Variants in CLEC4D observed in about 807,000 individuals in gnomAD.
CLEC4D encodes the protein C-type (calcium dependent, carbohydrate-recognition domain) lectin, superfamily member 8.
A neutral mutation model predicts 21.1 loss-of-function variants in CLEC4D; 21 were observed. The observed-to-expected ratio is 1.00, with a 90% confidence interval of 0.71 to 1.43. The LOEUF (loss-of-function observed/expected upper bound fraction) is 1.43. Among genes scored for constraint, CLEC4D ranks in the 40% most tolerant of loss-of-function variants. The pLI, the probability that CLEC4D is intolerant of heterozygous loss-of-function variation, is 0.00. For missense variants in CLEC4D, 289 were observed against 260.7 expected (o/e 1.11, Z -0.75); for synonymous variants, 85 against 83.1 (o/e 1.02, Z -0.12).
chr12:8,528,875 T>G, the CLEC4D span, among the ~76,000 whole-genome samples: 1 of 151,440 alleles, frequency 6.6e-6, no homozygotes, highest in African/African-American at 2.4e-5. Flanking sequence ...ATATAAACTA[T>G]GTACTATACA....
chr12:8,523,367 T>C (rs758053054), downstream of CLEC4D, among the ~76,000 whole-genome samples: 3 of 152,306 alleles, frequency 2.0e-5, no homozygotes, highest in East Asian at 5.8e-4. Context: ...TCCTGTCTTA[T>C]TTCTTTGAGC....
At chr12:8,518,891 G>T in intron 3 of CLEC4D, 118 bp from the exon 4 acceptor site, 2 of 1,419,188 alleles carry the variant, frequency 1.4e-6, no homozygotes, top group East Asian at 2.5e-5. Flanking sequence ...AATAATTTTG[G>T]TGATCTTGAT....
At position 8,521,705 on chromosome 12, in the gene CLEC4D, A is replaced by T. The variant is rs1940461634; in HGVS notation, c.*434A>T. 6.5e-6 allele frequency: 1 copy of T among 153,856 alleles called. No individual in the cohort carries two copies. Among genetic ancestry groups the T allele is most frequent in the Non-Finnish European group, 1.4e-5 (1 of 69,184 alleles). The allele number at this position is 153,856 out of a possible 1,614,324, so 9.5% of individuals were successfully genotyped here. ...TTAACCCAAATATTGCAAGCACTTT[A>T]AAGATTTGAAACCACATTTTTATTG... On this transcript the variant is annotated 3_prime_UTR_variant, in exon 6 of 6. Transcript: ENST00000299665.
intron 1 of CLEC4D, among the ~76,000 whole-genome samples, chr12:8,514,789 CTTCAGCAAATTAAAAT>C (rs1422652878): frequency 1.3e-5 from 2 of 152,146 alleles, no homozygotes; most frequent in African/African-American, 4.8e-5. Context: ...CTATTTATAA[CTTCAGCAAATTAAAAT>C]TTCAGCAAAT....
intron 5 of CLEC4D, among the ~76,000 whole-genome samples, chr12:8,520,916 T>G (rs1940449727): frequency 1.3e-5 from 2 of 152,196 alleles, no homozygotes; most frequent in African/African-American, 2.4e-5. Flanking sequence ...CACTTAAGAC[T>G]TAAAGCACAT....
chr12:8,517,597 T>C (rs1234330342), intron 2 of CLEC4D, among the ~76,000 whole-genome samples: 1 of 151,982 alleles, frequency 6.6e-6, no homozygotes, highest in African/African-American at 2.4e-5. Context: ...CAAATTTTGA[T>C]AGAAAAACAT....
chr12:8,527,940 T>C, the CLEC4D span, among the ~76,000 whole-genome samples: 1 of 152,008 alleles, frequency 6.6e-6, no homozygotes, highest in Non-Finnish European at 1.5e-5. Flanking sequence ...GGGGAGGGGG[T>C]TCCCTTTCCC....
At chr12:8,519,632 T>C (rs1940431653) in intron 4 of CLEC4D, among the ~76,000 whole-genome samples, 1 of 152,204 alleles carries the variant, frequency 6.6e-6, no homozygotes. Flanking sequence ...AAATGAATGG[T>C]TAATCAGGAC....
chr12:8,519,671 G>A (rs1279532464), intron 4 of CLEC4D, among the ~76,000 whole-genome samples: 1 of 152,156 alleles, frequency 6.6e-6, no homozygotes, highest in Non-Finnish European at 1.5e-5. Context: ...TAAAGTACAG[G>A]AAAACTAATT....
rs1940408585 is a variant in CLEC4D at position 8,518,225 on chromosome 12, T to C, written c.183T>C (p.His61=). 3.5e-6 allele frequency: 5 copies of C among 1,442,290 alleles called. No individual in the cohort carries two copies. Among genetic ancestry groups the C allele is most frequent in the African/African-American group, 1.4e-5 (1 of 71,758 alleles). The allele number at this position is 1,442,290 out of a possible 1,614,324, so 89.3% of individuals were successfully genotyped here. Residue 61 remains histidine, a synonymous_variant, in exon 3 of 6, where the codon CAT becomes CAC. Transcript: ENST00000299665. ...CAGGAGTGCACAAGTTAGAGCACCATGCAAAGCTCAAATGCATCAAAGAGA... is the reference window on the plus strand; with the variant it reads ...CAGGAGTGCACAAGTTAGAGCACCACGCAAAGCTCAAATGCATCAAAGAGA... ...RGTGVHKLEH[H]AKLKCIKEKS...
chr12:8,525,185 G>A (rs12306856), downstream of CLEC4D, among the ~76,000 whole-genome samples: 10,932 of 152,144 alleles, frequency 0.072, 769 homozygotes, highest in African/African-American at 0.18. Flanking sequence ...GCTGATTTGG[G>A]GTAGAGAGTT....
At position 8,515,329 on chromosome 12, in the gene CLEC4D, G is replaced by T. The variant is rs370455675; in HGVS notation, c.121+1G>T. ...GTCTGTTTTATTGCAAGTTGTTTGG[G>T]TAAGTTATTAGCCAAAGTAGAACTC... On this transcript the variant is annotated splice_donor_variant, in intron 2 of 5. Coordinates refer to ENST00000299665, the MANE Select transcript of CLEC4D (RefSeq NM_080387.5). LOFTEE classifies it high-confidence loss of function. 5.5e-6 allele frequency: 7 copies of T among 1,261,336 alleles called. No homozygotes were observed. In the African/African-American group the frequency reaches 8.9e-5, roughly 16 times the overall value. 78.1% of individuals were successfully genotyped at this position (1,261,336 alleles called of 1,614,324 possible). A position where few individuals can be genotyped will look rare whatever the true frequency, so the allele number is the denominator to read the frequency against.
At chr12:8,527,761 A>G in the CLEC4D span, among the ~76,000 whole-genome samples, 1 of 152,222 alleles carries the variant, frequency 6.6e-6, no homozygotes, top group South Asian at 2.1e-4. Flanking sequence ...GCCTTGGCAC[A>G]TTCCAGCTGA....
chr12:8,526,263 T>C (rs111830188), downstream of CLEC4D, among the ~76,000 whole-genome samples: 8 of 152,360 alleles, frequency 5.3e-5, no homozygotes, highest in African/African-American at 1.9e-4. Context: ...TTGTCTTTGA[T>C]AATATCCTGA....
rs753865586 is a variant in CLEC4D at position 8,520,349 on chromosome 12, T to C, written c.500+8T>C. 6.2e-7 allele frequency: 1 copy of C among 1,612,334 alleles called. No homozygotes were observed. Among genetic ancestry groups the C allele is most frequent in the South Asian group, 1.1e-5 (1 of 90,942 alleles). The stretch of plus-strand genomic sequence containing the variant: ...ATTTAACCCACGCAGAGTGTAAGTA[T>C]ATTGAGTGGGCTAAGGGGATTTATA... On this transcript the variant is annotated splice_region_variant and intron_variant, in intron 5 of 5. Transcript: ENST00000299665.
At chr12:8,531,410 T>C in the CLEC4D span, among the ~76,000 whole-genome samples, 1 of 152,224 alleles carries the variant, frequency 6.6e-6, no homozygotes, top group South Asian at 2.1e-4. Context: ...ACTTAATTGT[T>C]GATTGTTTAT....
intron 2 of CLEC4D, among the ~76,000 whole-genome samples, chr12:8,516,771 A>G (rs965456742): frequency 1.3e-5 from 2 of 152,264 alleles, no homozygotes; most frequent in African/African-American, 2.4e-5. Flanking sequence ...ACGCATGCTT[A>G]TGTGCTCCAA....
At chr12:8,527,535 C>A in the CLEC4D span, among the ~76,000 whole-genome samples, 4 of 152,336 alleles carry the variant, frequency 2.6e-5, no homozygotes, top group South Asian at 8.3e-4. Flanking sequence ...AGCTCTCCAG[C>A]CTCCCTGGCT....
At chr12:8,525,129 A>T (rs937262067), downstream of CLEC4D, among the ~76,000 whole-genome samples, 4 of 152,192 alleles carry the variant, frequency 2.6e-5, no homozygotes, top group Non-Finnish European at 4.4e-5. Context: ...TTATGAGGTC[A>T]ATTTTAGAAT....
Sources: gnomAD v4.1 joint callset for allele counts (sites outside exome capture counted in the v4.1 genomes callset) on GRCh38, gnomAD v4.1.1 for gene constraint, MANE v1.5 for transcripts, NCBI Gene and HGNC (gene_info 2026-07-23, HGNC 2026-07-21) for gene names.